NEDD4L: variants seen among roughly 807,000 people sequenced by gnomAD.
NEDD4L encodes NEDD4 like E3 ubiquitin protein ligase, also known as E3 ubiquitin-protein ligase NEDD4-like.
Under a neutral mutation model 148.9 loss-of-function variants are expected in NEDD4L, and 54 were observed. The observed-to-expected ratio is 0.36, with a 90% CI of 0.29 to 0.45. NEDD4L has a LOEUF of 0.45. NEDD4L is among the 20% of genes least tolerant of loss of function. The pLI, the probability that NEDD4L is intolerant of heterozygous loss-of-function variation, is 1.00. For synonymous variants in NEDD4L, 433 were observed against 440.7 expected (o/e 0.98, Z 0.22); for missense variants, 856 against 1,233.8 (o/e 0.69, Z 4.59).
At chr18:58,204,221 G>C (rs924865907) in intron 2 of NEDD4L, among the ~76,000 whole-genome samples, 1 of 152,034 alleles carries the variant, frequency 6.6e-6, no homozygotes, top group Non-Finnish European at 1.5e-5. Flanking sequence ...CCAGTTACTC[G>C]GGAGGCTGAA....
chr18:58,164,701 C>T (rs911321707), intron 1 of NEDD4L, among the ~76,000 whole-genome samples: 2 of 152,194 alleles, frequency 1.3e-5, no homozygotes, highest in Admixed American at 6.5e-5. Flanking sequence ...GAACTCCTGT[C>T]CTCGTGATCC....
intron 19 of NEDD4L, among the ~76,000 whole-genome samples, chr18:58,361,208 C>G (rs1034557147): frequency 3.3e-5 from 5 of 152,186 alleles, no homozygotes; most frequent in African/African-American, 7.2e-5. Context: ...TTCTGCTTAC[C>G]TAGTACCTAG....
chr18:58,311,133 A>G (rs1255679492), intron 5 of NEDD4L, among the ~76,000 whole-genome samples: 1 of 152,192 alleles, frequency 6.6e-6, no homozygotes, highest in African/African-American at 2.4e-5. Flanking sequence ...TTGATGGCAC[A>G]CAAAAAGAAA....
intron 1 of NEDD4L, among the ~76,000 whole-genome samples, chr18:58,052,527 G>A (rs990505176): frequency 2.7e-4 from 41 of 152,068 alleles, no homozygotes; most frequent in African/African-American, 9.4e-4. Flanking sequence ...AGATTCCCTT[G>A]CTGTCATCAA....
chr18:58,225,673 C>T (rs996184182), intron 2 of NEDD4L, among the ~76,000 whole-genome samples: 1 of 152,096 alleles, frequency 6.6e-6, no homozygotes, highest in Non-Finnish European at 1.5e-5. Context: ...GACCACTGCT[C>T]GAGATACCAG....
intron 24 of NEDD4L, among the ~76,000 whole-genome samples, chr18:58,374,287 A>C (rs1351467049): frequency 6.6e-6 from 1 of 152,206 alleles, no homozygotes. Flanking sequence ...AGGAGAGTTC[A>C]GTCTCTAGTG....
chr18:58,379,123 T>G (rs2047983116), intron 24 of NEDD4L, among the ~76,000 whole-genome samples: 1 of 152,204 alleles, frequency 6.6e-6, no homozygotes, highest in African/African-American at 2.4e-5. Flanking sequence ...GGTGTGCGTT[T>G]CGTGGCTGAA....
At chr18:58,202,779 C>T (rs559461968) in intron 2 of NEDD4L, among the ~76,000 whole-genome samples, 1 of 152,288 alleles carries the variant, frequency 6.6e-6, no homozygotes, top group South Asian at 2.1e-4. Flanking sequence ...CTTCATACTC[C>T]TTTTGTTTGA....
At chr18:58,173,689 T>G (rs2037771373) in intron 2 of NEDD4L, among the ~76,000 whole-genome samples, 1 of 152,186 alleles carries the variant, frequency 6.6e-6, no homozygotes, top group Admixed American at 6.5e-5. Flanking sequence ...CATCATGACG[T>G]TTAGTTCCTA....
At chr18:58,084,671 T>TG (rs1555686019) in intron 1 of NEDD4L, among the ~76,000 whole-genome samples, 1 of 133,824 alleles carries the variant, frequency 7.5e-6, no homozygotes, top group Non-Finnish European at 1.6e-5. Flanking sequence ...TGTGGGGTTT[T>TG]TGTGTGTGTG....
chr18:58,049,856 A>G (rs1365802815), intron 1 of NEDD4L, among the ~76,000 whole-genome samples: 1 of 151,604 alleles, frequency 6.6e-6, no homozygotes, highest in Non-Finnish European at 1.5e-5. Context: ...ACGTGCCTGT[A>G]GTCCCAGCTA....
chr18:58,123,824 G>A (rs867509972), intron 1 of NEDD4L, among the ~76,000 whole-genome samples: 4 of 152,162 alleles, frequency 2.6e-5, no homozygotes, highest in Admixed American at 1.3e-4. Flanking sequence ...CTGCTGCCGC[G>A]GAGGCTTCCC....
intron 2 of NEDD4L, among the ~76,000 whole-genome samples, chr18:58,235,395 G>A (rs1180003850): frequency 2.0e-5 from 3 of 152,190 alleles, no homozygotes; most frequent in Non-Finnish European, 2.9e-5. Context: ...AAGGGATACC[G>A]TGTGCCTCTG....
intron 1 of NEDD4L, among the ~76,000 whole-genome samples, chr18:58,139,726 G>T (rs1398731873): frequency 6.6e-6 from 1 of 152,182 alleles, no homozygotes; most frequent in African/African-American, 2.4e-5. Context: ...AGCTGTGCCT[G>T]AGGAGCCTGA....
intron 2 of NEDD4L, among the ~76,000 whole-genome samples, chr18:58,234,766 G>C (rs12966139): frequency 0.03 from 4,558 of 152,238 alleles, 97 homozygotes; most frequent in Middle Eastern, 0.054. Context: ...TCCATTCTTT[G>C]TTTGTGTTTA....
chr18:58,269,169 G>C (rs56883467), intron 5 of NEDD4L, among the ~76,000 whole-genome samples: 1 of 152,132 alleles, frequency 6.6e-6, no homozygotes, highest in South Asian at 2.1e-4. Flanking sequence ...TGCCCAAAGT[G>C]GGGGAAGAGA....
chr18:58,084,926 C>G (rs1052032088), intron 1 of NEDD4L, among the ~76,000 whole-genome samples: 2 of 151,984 alleles, frequency 1.3e-5, no homozygotes, highest in Admixed American at 1.3e-4. Context: ...AATTCCTGGG[C>G]TCAAGTGATC....
rs10555499 is a variant in NEDD4L at position 58,283,050 on chromosome 18, CTTATTTATTTAT to C, written c.297+31028_297+31039del. On this transcript the variant is annotated intron_variant, in intron 5 of 30. Transcript: ENST00000400345. ...AGGAACGTGATAAATTGCACACTGC[CTTATTTATTTAT>C]TTATTTATTTATTTATTTATTTATT... Among the ~76,000 whole-genome samples, 979 of 150,264 alleles carry C rather than the reference CTTATTTATTTAT, an allele frequency of 6.5e-3. 10 individuals carry two copies. The highest frequency in any genetic ancestry group is 0.021 in the African/African-American group (852 of 40,766).
In NEDD4L at chr18:58,210,715, A is replaced by G. The variant is rs1030390396; in HGVS notation, c.123-34712A>G. On this transcript the variant is annotated intron_variant, in intron 2 of 30. Transcript: ENST00000400345. ...TATTTTTACTCTTCCAGGACATACT[A>G]AAACATGGAAAGGTTCCCAGTTCAT... Among the ~76,000 whole-genome samples the G allele has an allele frequency of 3.3e-5, 5 of 152,340 alleles. No individual in the cohort carries two copies. The East Asian group carries it at 5.8e-4, about 18-fold the overall frequency.
Sources: gnomAD v4.1 joint callset for allele counts (sites outside exome capture counted in the v4.1 genomes callset) on GRCh38, gnomAD v4.1.1 for gene constraint, MANE v1.5 for transcripts, NCBI Gene and HGNC (gene_info 2026-07-23, HGNC 2026-07-21) for gene names.